The following SLC12A8 variants were observed in gnomAD, a reference collection of about 807,000 sequenced individuals.
SLC12A8 encodes the protein solute carrier family 12 member 8, also known as cation-chloride cotransporter 9.
In SLC12A8, 69 loss-of-function variants were observed where a neutral mutation model predicts 75.6. The observed-to-expected ratio is 0.91, with a 90% confidence interval of 0.75 to 1.11. The LOEUF is 1.11. SLC12A8 is among the 50% of genes most tolerant of loss of function. The pLI is 0.00. For missense variants in SLC12A8, 877 were observed against 896.7 expected (o/e 0.98, Z 0.28); for synonymous variants, 365 against 372.8 (o/e 0.98, Z 0.24).
chr3:125,196,306 C>T lies in SLC12A8; in HGVS notation c.52-5785G>A, dbSNP rs115124111. ...ACCAGAGTAACTTATGAACACAGTA[C>T]TTTGACTATGTATCACATTCGAAAA... is the stretch of plus-strand genomic sequence containing the variant. On this transcript the variant is annotated intron_variant, in intron 2 of 13. Transcript: ENST00000469902. Among the ~76,000 whole-genome samples the T allele has an allele frequency of 3.5e-3, 540 of 152,348 alleles. 1 individual carries two copies. The highest frequency in any genetic ancestry group is 6.2e-3 in the Non-Finnish European group (423 of 68,042).
At chr3:125,112,339 T>A (rs1323799381) in intron 8 of SLC12A8, among the ~76,000 whole-genome samples, 1 of 152,188 alleles carries the variant, frequency 6.6e-6, no homozygotes, top group Non-Finnish European at 1.5e-5. Flanking sequence ...CACTCACCAT[T>A]TTATTACTAC....
chr3:125,170,637 G>A (rs770958270), intron 5 of SLC12A8, among the ~76,000 whole-genome samples: 2 of 152,352 alleles, frequency 1.3e-5, no homozygotes, highest in South Asian at 4.1e-4. Context: ...ACTGGGGGCC[G>A]GGCGTGGTGG....
intron 4 of SLC12A8, among the ~76,000 whole-genome samples, chr3:125,181,579 G>A (rs1418788719): frequency 7.5e-6 from 1 of 132,622 alleles, no homozygotes; most frequent in African/African-American, 2.8e-5. Flanking sequence ...CCGCAGTCCG[G>A]CCTGGGCGAC....
chr3:125,142,926 T>C (rs10934709), intron 5 of SLC12A8, among the ~76,000 whole-genome samples: 38,661 of 152,154 alleles, frequency 0.25, 5,765 homozygotes, highest in Middle Eastern at 0.37. Flanking sequence ...CTTCCCTGAC[T>C]CTGTGATTGT....
intron 5 of SLC12A8, among the ~76,000 whole-genome samples, chr3:125,155,750 CAAA>C (rs1159877630): frequency 1.3e-4 from 9 of 69,436 alleles, no homozygotes; most frequent in Admixed American, 1.7e-4. Flanking sequence ...GACTCTGTCT[CAAA>C]AAAAAAAAAA....
chr3:125,112,786 G>A (rs966822461), intron 8 of SLC12A8, among the ~76,000 whole-genome samples: 1 of 152,186 alleles, frequency 6.6e-6, no homozygotes, highest in Admixed American at 6.5e-5. Flanking sequence ...TAAGTCAATA[G>A]TTCTCCACTC....
chr3:125,193,399 C>A (rs1261502110), intron 2 of SLC12A8, among the ~76,000 whole-genome samples: 1 of 152,134 alleles, frequency 6.6e-6, no homozygotes, highest in African/African-American at 2.4e-5. Flanking sequence ...CTTGTGTGTC[C>A]CCGCTCTTCT....
chr3:125,204,131 T>C (rs1196893832), intron 2 of SLC12A8, among the ~76,000 whole-genome samples: 1 of 152,222 alleles, frequency 6.6e-6, no homozygotes, highest in Non-Finnish European at 1.5e-5. Context: ...TGTGCACTGT[T>C]GGTGAAAATG....
At chr3:125,101,534 T>A (rs934544777) in intron 10 of SLC12A8, among the ~76,000 whole-genome samples, 40 of 152,272 alleles carry the variant, frequency 2.6e-4, no homozygotes, top group African/African-American at 9.4e-4. Flanking sequence ...AGTTGTGTTT[T>A]GTCAGAATAA....
rs1432415834 is a variant in SLC12A8, at chr3:125,141,138, C to T, written c.623-5356G>A. On this transcript the variant is annotated intron_variant, in intron 5 of 13. Transcript: ENST00000469902. The stretch of plus-strand genomic sequence containing the variant: ...ACTTTGGTCCAGTTTGAGCTGTATG[C>T]TTTTAGGAAGAACAAAAACAAAAAG... 3.5e-5 allele frequency among the ~76,000 whole-genome samples: 5 copies of T among 143,034 alleles called. No homozygotes were observed. In the Admixed American group the frequency reaches 3.9e-4, roughly 11 times the overall value. The allele number at this position is 143,034 out of a possible 152,430, so 93.8% of individuals were successfully genotyped here.
intron 10 of SLC12A8, among the ~76,000 whole-genome samples, chr3:125,102,028 A>G (rs1390224177): frequency 6.6e-6 from 1 of 152,250 alleles, no homozygotes; most frequent in African/African-American, 2.4e-5. Flanking sequence ...TAAGATAGAC[A>G]AATAAACCTA....
chr3:125,194,016 G>A (rs548807242), intron 2 of SLC12A8, among the ~76,000 whole-genome samples: 13 of 152,312 alleles, frequency 8.5e-5, no homozygotes, highest in African/African-American at 3.1e-4. Context: ...GACATAATGG[G>A]CTGGGGAAAA....
intron 4 of SLC12A8, among the ~76,000 whole-genome samples, chr3:125,185,337 A>T (rs1016544374): frequency 6.6e-6 from 1 of 151,684 alleles, no homozygotes; most frequent in Non-Finnish European, 1.5e-5. Flanking sequence ...AAAAAACAAA[A>T]AACAAAACAA....
intron 11 of SLC12A8, 105 bp downstream of exon 11, chr3:125,091,996 T>A (rs1433279618): frequency 1.4e-6 from 1 of 703,198 alleles, no homozygotes; most frequent in Non-Finnish European, 2.4e-6. Flanking sequence ...ATCACATTGC[T>A]TCTAATTAGG....
At chr3:125,210,930 T>C (rs1422916413) in intron 2 of SLC12A8, among the ~76,000 whole-genome samples, 2 of 152,086 alleles carry the variant, frequency 1.3e-5, no homozygotes, top group African/African-American at 2.4e-5. Context: ...CTTCAGAACA[T>C]AAGAGTTTTT....
chr3:125,181,816 G>C (rs1316630469), intron 4 of SLC12A8, among the ~76,000 whole-genome samples: 1 of 151,800 alleles, frequency 6.6e-6, no homozygotes, highest in East Asian at 1.9e-4. Context: ...GCCTCTGGTA[G>C]CCTGATTACA....
intron 2 of SLC12A8, 80 bp from the exon 3 acceptor site, chr3:125,190,601 G>C: frequency 6.6e-7 from 1 of 1,525,376 alleles, no homozygotes; most frequent in Admixed American, 1.8e-5. Flanking sequence ...CAGGAGGAGG[G>C]AGGTAGGAGA....
chr3:125,168,398 G>T (rs556760674), intron 5 of SLC12A8, among the ~76,000 whole-genome samples: 1 of 152,298 alleles, frequency 6.6e-6, no homozygotes, highest in South Asian at 2.1e-4. Context: ...TCAAGATGGT[G>T]CCCAGACAGC....
At chr3:125,183,338 G>C (rs1359734994) in intron 4 of SLC12A8, among the ~76,000 whole-genome samples, 3 of 152,084 alleles carry the variant, frequency 2.0e-5, no homozygotes, top group Non-Finnish European at 4.4e-5. Flanking sequence ...ATTCTCCACA[G>C]AGAAAAGCCT....
Sources: allele counts gnomAD v4.1 joint callset (sites outside exome capture counted in the v4.1 genomes callset), GRCh38; gene constraint gnomAD v4.1.1; transcripts MANE v1.5; gene names NCBI Gene and HGNC (gene_info 2026-07-23, HGNC 2026-07-21).